The following ARL10 variants were observed in gnomAD, a reference collection of about 807,000 sequenced individuals.
ARL10 encodes the protein ARF like GTPase 10.
A neutral mutation model predicts 26.1 loss-of-function variants in ARL10; 23 were observed. The ratio of observed to expected loss-of-function variants is 0.88; its 90% CI spans 0.63 to 1.25. ARL10 has a LOEUF of 1.25. ARL10 is among the 50% of genes most tolerant of loss of function. The pLI is 0.00. For synonymous variants in ARL10, 138 were observed against 149.1 expected (o/e 0.93, Z 0.54); for missense variants, 300 against 323.6 (o/e 0.93, Z 0.56).
chr5:176,411,492 C>A, the ARL10 span, among the ~76,000 whole-genome samples: 1 of 152,200 alleles, frequency 6.6e-6, no homozygotes, highest in Non-Finnish European at 1.5e-5. Context: ...AATTAAAGGC[C>A]TCCCTGACCA....
downstream of ARL10, chr5:176,389,849 T>G (rs1008139861): frequency 5.5e-6 from 1 of 182,786 alleles, no homozygotes; most frequent in African/African-American, 2.4e-5. Flanking sequence ...GTCTAGTGAT[T>G]CCCGAACTTT....
chr5:176,405,535 A>G (rs539458978), downstream of ARL10: 8 of 152,450 alleles, frequency 5.2e-5, no homozygotes, highest in African/African-American at 1.2e-4. Flanking sequence ...AAGAAAAAAA[A>G]GAGAGCTCTT....
At chr5:176,401,806 C>A (rs1206302012) in exon 2 of ARL10, 6 of 455,234 alleles carry the variant, frequency 1.3e-5, no homozygotes, top group Non-Finnish European at 2.2e-5. Context: ...GCCTCCTGTT[C>A]GTCCTTGATT....
chr5:176,388,083 C>T, intron 1 of ARL10: 1 of 617,234 alleles, frequency 1.6e-6, no homozygotes, highest in Non-Finnish European at 2.9e-6. Flanking sequence ...GAGACCCTTG[C>T]TCAACGTCAG....
At chr5:176,394,624 C>T (rs1756422334) in intron 1 of ARL10, among the ~76,000 whole-genome samples, 1 of 151,096 alleles carries the variant, frequency 6.6e-6, no homozygotes, top group Non-Finnish European at 1.5e-5. Context: ...AGCATCCTGG[C>T]TAACACGGTG....
Position 176,381,368 on chromosome 5 carries a change from T to C in ARL10, c.*9473T>C, listed in dbSNP as rs1253050677. ...CCTTTTTTGCATGGTCACTCAGTGC[T>C]CCTGGAGGTTGCTGAAGTTATACTT... On this transcript the variant is annotated 3_prime_UTR_variant, in exon 4 of 4. Transcript: ENST00000310389. The C allele has an allele frequency of 6.6e-6, 1 of 152,248 alleles. No individual in the cohort carries two copies. Among genetic ancestry groups the C allele is most frequent in the Non-Finnish European group, 1.5e-5 (1 of 68,046 alleles). The allele number at this position is 152,248 out of a possible 1,614,324, so 9.4% of individuals were successfully genotyped here.
At chr5:176,386,793 CCA>C (rs1174778822), downstream of ARL10, 28 of 1,538,322 alleles carry the variant, frequency 1.8e-5, no homozygotes, top group Non-Finnish European at 2.5e-5. Flanking sequence ...TCCCAGCTTC[CCA>C]CAGTGCAGGA....
At chr5:176,399,237 A>G (rs1172774543) in intron 1 of ARL10, among the ~76,000 whole-genome samples, 1 of 152,198 alleles carries the variant, frequency 6.6e-6, no homozygotes, top group African/African-American at 2.4e-5. Context: ...AGCCCAGCAC[A>G]GTGCCTGGCC....
chr5:176,369,032 T>G (rs1444016032), intron 3 of ARL10, 50 bp downstream of exon 3: 5 of 1,604,556 alleles, frequency 3.1e-6, no homozygotes, highest in Non-Finnish European at 4.2e-6. Context: ...CACTCAGAGA[T>G]GCTTGGGCAG....
downstream of ARL10, among the ~76,000 whole-genome samples, chr5:176,393,468 G>A (rs1185477472): frequency 6.6e-6 from 1 of 152,210 alleles, no homozygotes; most frequent in Non-Finnish European, 1.5e-5. The surrounding 1 kb of genome is among the most constrained non-coding windows in gnomAD (Gnocchi z 4.4). Context: ...CAGAAAGACT[G>A]TGGTCAAATA....
intron 2 of ARL10, 124 bp downstream of exon 2, chr5:176,366,705 A>C: frequency 8.4e-7 from 1 of 1,189,274 alleles, no homozygotes; most frequent in Non-Finnish European, 1.2e-6. Context: ...AATCCTTCCC[A>C]CCGCTCTCCG....
rs954371876 is a variant in ARL10 at position 176,378,081 on chromosome 5, A to G, written c.*6186A>G. The stretch of plus-strand genomic sequence containing the variant: ...CTGGCCAAGTGCAAAGCTTTTAACA[A>G]TAGAAGTTTCAAGGGCTCAGGAAGG... On this transcript the variant is annotated 3_prime_UTR_variant, in exon 4 of 4. Transcript: ENST00000310389. 1.3e-5 allele frequency: 2 copies of G among 152,266 alleles called. No homozygotes were observed. The highest frequency in any genetic ancestry group is 4.8e-5 in the African/African-American group (2 of 41,464). 9.4% of individuals were successfully genotyped at this position (152,266 alleles called of 1,614,324 possible). A position where few individuals can be genotyped will look rare whatever the true frequency, so the allele number is the denominator to read the frequency against.
At chr5:176,406,829 A>G (rs1013992910), downstream of ARL10, 5 of 675,068 alleles carry the variant, frequency 7.4e-6, no homozygotes, top group Non-Finnish European at 8.2e-6. Context: ...TGCTATGCTC[A>G]ATCCTAAAGA....
rs961843782 is a variant in ARL10 at position 176,378,822 on chromosome 5, G to C, written c.*6927G>C. On this transcript the variant is annotated 3_prime_UTR_variant, in exon 4 of 4. Transcript: ENST00000310389. ...GCAGGAGAATGGCGTGAACCCAGGA[G>C]GCAGAGCTTGCAGTGAGCCGAGATC... The C allele has an allele frequency of 6.6e-6, 1 of 151,068 alleles. No homozygotes were observed. The highest frequency in any genetic ancestry group is 1.5e-5 in the Non-Finnish European group (1 of 67,914). The allele number at this position is 151,068 out of a possible 1,614,324, so 9.4% of individuals were successfully genotyped here. A position where few individuals can be genotyped will look rare whatever the true frequency, so the allele number is the denominator to read the frequency against.
chr5:176,413,872 C>A, the ARL10 span, among the ~76,000 whole-genome samples: 3 of 152,204 alleles, frequency 2.0e-5, no homozygotes, highest in Non-Finnish European at 4.4e-5. Flanking sequence ...CAGGTATGCG[C>A]CTGGGAGACC....
intron 1 of ARL10, among the ~76,000 whole-genome samples, chr5:176,399,476 T>A (rs1162033522): frequency 1.3e-5 from 2 of 152,222 alleles, no homozygotes; most frequent in African/African-American, 4.8e-5. Flanking sequence ...GCATGGTAGC[T>A]CATGCCTATA....
chr5:176,365,862 C>T (rs908164364), intron 1 of ARL10, 116 bp downstream of exon 1: 4 of 1,130,394 alleles, frequency 3.5e-6, no homozygotes, highest in Admixed American at 8.5e-5. Context: ...CTTGGGGGGT[C>T]GAGGGCTTGG....
chr5:176,388,720 C>T (rs1756107965), downstream of ARL10: 1 of 1,499,850 alleles, frequency 6.7e-7, no homozygotes, highest in Non-Finnish European at 9.0e-7. Flanking sequence ...TTTGCGCCTG[C>T]GTACAAGGCT....
At chr5:176,388,636 G>C in exon 2 of ARL10, 1 of 1,354,930 alleles carries the variant, frequency 7.4e-7, no homozygotes, top group Non-Finnish European at 1.0e-6. Context: ...AAGGCTTTGC[G>C]GGCATTTGGG....
Sources: gnomAD v4.1 joint callset for allele counts (sites outside exome capture counted in the v4.1 genomes callset) on GRCh38, gnomAD v4.1.1 for gene constraint, Gnocchi (gnomAD v3.1) non-coding constraint, MANE v1.5 for transcripts, NCBI Gene and HGNC (gene_info 2026-07-23, HGNC 2026-07-21) for gene names.